Variants in SERAC1 observed in about 807,000 individuals in gnomAD.
SERAC1 encodes the protein protein SERAC1.
In SERAC1, 36 loss-of-function variants were observed where a neutral mutation model predicts 85.7. The ratio of observed to expected loss-of-function variants is 0.42; its 90% CI spans 0.32 to 0.55. SERAC1 has a LOEUF of 0.55. Ranked by LOEUF, SERAC1 falls within the 20% of genes least tolerant of loss-of-function variation. SERAC1 has a pLI of 0.11. For missense variants in SERAC1, 629 were observed against 796.2 expected (o/e 0.79, Z 2.53); for synonymous variants, 242 against 265.3 (o/e 0.91, Z 0.85).
intron 3 of SERAC1, among the ~76,000 whole-genome samples, chr6:158,155,072 C>G (rs1785297775): frequency 6.6e-6 from 1 of 152,216 alleles, no homozygotes; most frequent in African/African-American, 2.4e-5. Flanking sequence ...GCTTTCCTCA[C>G]AGCAGCAGTG....
At chr6:158,154,417 A>G (rs905514132) in intron 3 of SERAC1, among the ~76,000 whole-genome samples, 34 of 152,220 alleles carry the variant, frequency 2.2e-4, no homozygotes, top group African/African-American at 4.8e-5. Flanking sequence ...TTATCTAAAT[A>G]TATTTTGCCT....
intron 10 of SERAC1, among the ~76,000 whole-genome samples, chr6:158,125,374 T>C (rs1199181543): frequency 6.6e-6 from 1 of 152,182 alleles, no homozygotes; most frequent in Non-Finnish European, 1.5e-5. Flanking sequence ...GCAGGCTAGC[T>C]TGCCCTTCAG....
chr6:158,154,891 C>T (rs767863091), intron 3 of SERAC1, among the ~76,000 whole-genome samples: 1 of 150,484 alleles, frequency 6.6e-6, no homozygotes, highest in African/African-American at 2.4e-5. Context: ...CCGATTTAAG[C>T]GTGCCGGAGC....
At chr6:158,158,975 T>G (rs1345216117) in intron 1 of SERAC1, 2 of 152,232 alleles carry the variant, frequency 1.3e-5, no homozygotes, top group Admixed American at 1.3e-4. Context: ...TATGCTGCAA[T>G]CATTCCCAGA....
chr6:158,161,015 G>A (rs950972524), intron 1 of SERAC1: 1 of 152,044 alleles, frequency 6.6e-6, no homozygotes, highest in African/African-American at 2.4e-5. Flanking sequence ...CTTCATGAAG[G>A]CATATATGTA....
At chr6:158,133,044 C>T (rs1481298311) in intron 8 of SERAC1, among the ~76,000 whole-genome samples, 1 of 152,116 alleles carries the variant, frequency 6.6e-6, no homozygotes, top group Admixed American at 6.6e-5. Flanking sequence ...TGGTAGCTCA[C>T]GCCTGTAATC....
chr6:158,141,677 C>A (rs766001382), intron 8 of SERAC1, among the ~76,000 whole-genome samples: 2 of 152,048 alleles, frequency 1.3e-5, no homozygotes, highest in Non-Finnish European at 2.9e-5. Context: ...CAGGAAGAAT[C>A]AAAAAGAGCC....
At chr6:158,153,501 A>G (rs1156266972) in intron 3 of SERAC1, among the ~76,000 whole-genome samples, 1 of 152,122 alleles carries the variant, frequency 6.6e-6, no homozygotes, top group Non-Finnish European at 1.5e-5. Context: ...TTCTGATAGT[A>G]TACATATTCA....
rs190314669 is a variant in SERAC1 at position 158,120,948 on chromosome 6, T to C, written c.1016-373A>G. Among the ~76,000 whole-genome samples the C allele has an allele frequency of 1.4e-4, 21 of 152,326 alleles. No individual in the cohort carries two copies. The East Asian group carries it at 3.3e-3, about 24-fold the overall frequency. On this transcript the variant is annotated intron_variant, in intron 10 of 16. Coordinates refer to ENST00000647468, the MANE Select transcript of SERAC1 (RefSeq NM_032861.4). The surrounding 1 kb of genome is among the most constrained non-coding windows in gnomAD (Gnocchi z 4.4). ...AGAATTATGAAACTCAGTGGGTTAA[T>C]ACTAGTTATTTCATCCTGACCAGCA...
chr6:158,124,790 T>C (rs827670), intron 10 of SERAC1, among the ~76,000 whole-genome samples: 12,473 of 51,160 alleles, frequency 0.24, 650 homozygotes, highest in African/African-American at 0.33. Context: ...CACACACACA[T>C]ACACACTCAA....
chr6:158,111,406 T>C lies in SERAC1; in HGVS notation c.1925A>G (p.Gln642Arg). The C allele has an allele frequency of 6.2e-7, 1 of 1,607,878 alleles. No homozygotes were observed. Among genetic ancestry groups the C allele is most frequent in the Non-Finnish European group, 8.5e-7 (1 of 1,178,282 alleles). Residue 642 changes from glutamine (Q) to arginine (R), a missense_variant, in exon 17 of 17, where the codon CAA (glutamine) becomes CGA (arginine). By Grantham distance (43) the Gln-to-Arg change is conservative. Transcript: ENST00000647468. ...TTTGGCTAAAGCTTCACGAATGAAT[T>C]GTAAAGTACGCTGGTACAAAAAAGC... ...KDAFLYQRTLQFIREALAKDL... is the reference protein window; with the variant it reads ...KDAFLYQRTLRFIREALAKDL...
chr6:158,162,197 T>A (rs1785504374), intron 1 of SERAC1: 1 of 152,194 alleles, frequency 6.6e-6, no homozygotes, highest in African/African-American at 2.4e-5. Flanking sequence ...ACTAGACATA[T>A]GATAATGGGC....
rs1396468416 is a variant in SERAC1 at position 158,168,159 on chromosome 6, G to C, written c.-21C>G. On this transcript the variant is annotated 5_prime_UTR_variant, in exon 1 of 17. Coordinates refer to ENST00000647468, the MANE Select transcript of SERAC1 (RefSeq NM_032861.4). ...TCCTACCTGCCGGCAGGCGGACTCA[G>C]CCCGTGCCCAACTGCTCGTCGGACC... 6.6e-6 allele frequency: 1 copy of C among 152,054 alleles called. No homozygotes were observed. The highest frequency in any genetic ancestry group is 6.6e-5 in the Admixed American group (1 of 15,266). 9.4% of individuals were successfully genotyped at this position (152,054 alleles called of 1,614,324 possible).
At chr6:158,143,911 G>A (rs1023067594) in intron 7 of SERAC1, among the ~76,000 whole-genome samples, 4 of 152,092 alleles carry the variant, frequency 2.6e-5, no homozygotes, top group Non-Finnish European at 2.9e-5. Context: ...GTCCAGGGAT[G>A]CTACTACACA....
rs1462775066 is a variant in SERAC1, at chr6:158,110,475, T to G, written c.*891A>C. ...AATTATATCTCAATAATGCTGTTAC[T>G]CTAAAGAAAAAAAGGTCATCGACAT... is the stretch of plus-strand genomic sequence containing the variant. On this transcript the variant is annotated 3_prime_UTR_variant, in exon 17 of 17. Coordinates refer to ENST00000647468, the MANE Select transcript of SERAC1 (RefSeq NM_032861.4). 6.6e-6 allele frequency: 1 copy of G among 152,134 alleles called. No individual in the cohort carries two copies. The highest frequency in any genetic ancestry group is 2.4e-5 in the African/African-American group (1 of 41,426). The allele number at this position is 152,134 out of a possible 1,614,324, so 9.4% of individuals were successfully genotyped here.
chr6:158,122,653 G>A (rs1346771209), intron 10 of SERAC1, among the ~76,000 whole-genome samples: 2 of 152,058 alleles, frequency 1.3e-5, no homozygotes, highest in African/African-American at 2.4e-5. Context: ...GGTGGTGGGC[G>A]CCTGTAATCC....
chr6:158,152,497 C>T (rs920309313), intron 3 of SERAC1, among the ~76,000 whole-genome samples: 16 of 151,600 alleles, frequency 1.1e-4, no homozygotes, highest in East Asian at 1.9e-4. Flanking sequence ...GCCAGGGCGA[C>T]GGAGCAAGAC....
intron 8 of SERAC1, among the ~76,000 whole-genome samples, chr6:158,142,615 T>C (rs1269877116): frequency 6.6e-6 from 1 of 152,090 alleles, no homozygotes; most frequent in African/African-American, 2.4e-5. Context: ...TAGCTGGGAC[T>C]ATGGGCATGT....
chr6:158,163,695 T>C (rs1785534617), intron 1 of SERAC1, among the ~76,000 whole-genome samples: 1 of 152,166 alleles, frequency 6.6e-6, no homozygotes, highest in Non-Finnish European at 1.5e-5. Flanking sequence ...TCTATCCTTA[T>C]ATAAACACTG....
Sources: gnomAD v4.1 joint callset for allele counts (sites outside exome capture counted in the v4.1 genomes callset) on GRCh38, gnomAD v4.1.1 for gene constraint, Gnocchi (gnomAD v3.1) non-coding constraint, MANE v1.5 for transcripts, NCBI Gene and HGNC (gene_info 2026-07-23, HGNC 2026-07-21) for gene names.